The following PLOD2 variants were observed in gnomAD, a reference collection of about 807,000 sequenced individuals.
PLOD2 encodes procollagen-lysine,2-oxoglutarate 5-dioxygenase 2, also known as lysine hydroxylase 2.
In PLOD2, 65 loss-of-function variants were observed where a neutral mutation model predicts 101.0. That is an observed-to-expected ratio of 0.64 (90% CI 0.53 to 0.79). The LOEUF is 0.79. Ranked by LOEUF, PLOD2 falls within the 30% of genes least tolerant of loss-of-function variation. PLOD2 has a pLI of 0.00. For synonymous variants in PLOD2, 314 were observed against 302.9 expected (o/e 1.04, Z -0.38); for missense variants, 909 against 914.6 (o/e 0.99, Z 0.08).
chr3:146,071,988 G>T (rs1417472938), intron 17 of PLOD2, among the ~76,000 whole-genome samples: 1 of 151,664 alleles, frequency 6.6e-6, no homozygotes, highest in Admixed American at 6.6e-5. Context: ...ACCGTGCAGA[G>T]GCAGTAATAT....
In PLOD2 at chr3:146,070,018, T is replaced by C. The variant is rs550122776; in HGVS notation, c.*699A>G. 1.3e-4 allele frequency: 20 copies of C among 152,060 alleles called. No homozygotes were observed. Among genetic ancestry groups the C allele is most frequent in the African/African-American group, 4.6e-4 (19 of 41,552 alleles). 9.4% of individuals were successfully genotyped at this position (152,060 alleles called of 1,614,324 possible). On this transcript the variant is annotated 3_prime_UTR_variant, in exon 20 of 20. Transcript: ENST00000282903. ...GGTTTTCCTAAATCTAATACCTGCT[T>C]AATATAATCCACTTTGGAAGATTCA...
intron 3 of PLOD2, among the ~76,000 whole-genome samples, chr3:146,115,709 G>A (rs966457425): frequency 6.6e-6 from 1 of 152,184 alleles, no homozygotes; most frequent in African/African-American, 2.4e-5. Flanking sequence ...TTCTGTGCCA[G>A]TTCCCAGACT....
intron 1 of PLOD2, among the ~76,000 whole-genome samples, chr3:146,156,624 T>C (rs533396700): frequency 1.8e-4 from 28 of 152,394 alleles, no homozygotes; most frequent in African/African-American, 5.8e-4. Context: ...TTTACCACTC[T>C]GGCCTAGGGC....
intron 2 of PLOD2, chr3:146,123,276 C>T: frequency 1.7e-6 from 2 of 1,157,500 alleles, no homozygotes; most frequent in Non-Finnish European, 2.2e-6. Flanking sequence ...TAGGTATCTC[C>T]TTGTTCTCCT....
rs562835874 is a variant in PLOD2, at chr3:146,133,039, G to A, written c.110-8810C>T. 3.3e-5 allele frequency among the ~76,000 whole-genome samples: 5 copies of A among 152,208 alleles called. 1 individual carries two copies. The highest frequency in any genetic ancestry group is 1.2e-4 in the African/African-American group (5 of 41,542). The stretch of plus-strand genomic sequence containing the variant: ...AAATACAAAAAAATTAGCCGGGTGT[G>A]GTGGCTGGCACCTGTAGTCCCAGCT... On this transcript the variant is annotated intron_variant, in intron 1 of 19. Coordinates refer to ENST00000282903, the MANE Select transcript of PLOD2 (RefSeq NM_182943.3).
Position 146,159,684 on chromosome 3 carries a change from G to T in PLOD2, c.109+1197C>A, listed in dbSNP as rs574930569. Among the ~76,000 whole-genome samples the T allele has an allele frequency of 2.0e-5, 3 of 152,278 alleles. No individual in the cohort carries two copies. The East Asian group carries it at 5.8e-4, about 29-fold the overall frequency. On this transcript the variant is annotated intron_variant, in intron 1 of 19. Transcript: ENST00000282903. ...TGCAAAAGTTTAGTTCAAATTTAGA[G>T]GAATCACACGGGTTCAGAAATCCAT... is the stretch of plus-strand genomic sequence containing the variant.
intron 1 of PLOD2, among the ~76,000 whole-genome samples, chr3:146,145,251 C>T (rs2031724064): frequency 6.6e-6 from 1 of 152,264 alleles, no homozygotes; most frequent in Admixed American, 6.5e-5. Flanking sequence ...TAAACACACA[C>T]ATACAAAACC....
intron 1 of PLOD2, among the ~76,000 whole-genome samples, chr3:146,153,994 G>A (rs1195322292): frequency 1.3e-5 from 2 of 152,108 alleles, no homozygotes; most frequent in Non-Finnish European, 2.9e-5. Flanking sequence ...TAAATGAGCA[G>A]ATGATTAGTT....
At position 146,154,743 on chromosome 3, in the gene PLOD2, A is replaced by T. The variant is rs561542623; in HGVS notation, c.109+6138T>A. Among the ~76,000 whole-genome samples the T allele has an allele frequency of 3.3e-5, 5 of 152,358 alleles. No individual in the cohort carries two copies. The South Asian group carries it at 1.0e-3, about 32-fold the overall frequency. ...ATATCCATATTTTAATAGAAATTTT[A>T]AAATGATTTTTATTTTCCTAAATCT... On this transcript the variant is annotated intron_variant, in intron 1 of 19. Transcript: ENST00000282903.
rs1936547642 is a variant in PLOD2, at chr3:146,081,769, C to T, written c.1327G>A (p.Asp443Asn). ...TTCCCTTGAACAATATCCACATAAT[C>T]TTCAGATCGTGCATAGTATCCATCA... The part of the protein sequence containing the change: ...SPDGYYARSE[D>N]YVDIVQGNRV... Residue 443 changes from aspartate (D) to asparagine (N), a missense_variant, in exon 12 of 20, where the codon GAT (aspartate) becomes AAT (asparagine). Transcript: ENST00000282903. The T allele has an allele frequency of 3.7e-6, 6 of 1,609,998 alleles. No homozygotes were observed. In the South Asian group the frequency reaches 5.5e-5, roughly 15 times the overall value.
intron 1 of PLOD2, among the ~76,000 whole-genome samples, chr3:146,125,967 A>G (rs1359135125): frequency 6.6e-6 from 1 of 152,218 alleles, no homozygotes; most frequent in Non-Finnish European, 1.5e-5. Flanking sequence ...TATATAAATC[A>G]TAAGAATTAA....
Position 146,104,357 on chromosome 3 carries a change from T to G in PLOD2, c.616-15A>C. The G allele has an allele frequency of 1.5e-6, 2 of 1,310,476 alleles. No individual in the cohort carries two copies. Among genetic ancestry groups the G allele is most frequent in the Non-Finnish European group, 2.2e-6 (2 of 903,342 alleles). 81.2% of individuals were successfully genotyped at this position (1,310,476 alleles called of 1,614,324 possible). A position where few individuals can be genotyped will look rare whatever the true frequency, so the allele number is the denominator to read the frequency against. On this transcript the variant is annotated splice_polypyrimidine_tract_variant and intron_variant, in intron 5 of 19. Transcript: ENST00000282903. The stretch of plus-strand genomic sequence containing the variant: ...TTAATAGCTTCCTAAAACATAAGAA[T>G]AGAAATGATATTGAAAATGACAACA...
At chr3:146,091,438 T>G (rs553927962) in intron 8 of PLOD2, among the ~76,000 whole-genome samples, 1 of 152,056 alleles carries the variant, frequency 6.6e-6, no homozygotes, top group East Asian at 1.9e-4. Flanking sequence ...CATATCAACT[T>G]TGAAAATCCA....
At chr3:146,079,934 C>T (rs937875656) in intron 12 of PLOD2, among the ~76,000 whole-genome samples, 1 of 152,052 alleles carries the variant, frequency 6.6e-6, no homozygotes, top group Non-Finnish European at 1.5e-5. Flanking sequence ...AGCACATGAA[C>T]GTTGCATCCT....
intron 1 of PLOD2, among the ~76,000 whole-genome samples, chr3:146,130,783 G>A (rs2030863046): frequency 6.6e-6 from 1 of 152,156 alleles, no homozygotes; most frequent in Non-Finnish European, 1.5e-5. Flanking sequence ...GGTGACAACA[G>A]GTTAAGGGCT....
intron 17 of PLOD2, 152 bp downstream of exon 17, chr3:146,072,409 A>T: frequency 1.5e-6 from 1 of 651,236 alleles, no homozygotes. Flanking sequence ...TTGGTGGGAG[A>T]AGTAGACTGA....
chr3:146,115,125 T>A (rs1232693321), intron 3 of PLOD2, among the ~76,000 whole-genome samples: 1 of 152,172 alleles, frequency 6.6e-6, no homozygotes, highest in Admixed American at 6.6e-5. Flanking sequence ...TTTTGTACTC[T>A]TTCCCTTTAT....
At chr3:146,156,076 C>G (rs1015824696) in intron 1 of PLOD2, among the ~76,000 whole-genome samples, 4 of 152,170 alleles carry the variant, frequency 2.6e-5, no homozygotes, top group Admixed American at 2.6e-4. Flanking sequence ...ACTACTTACA[C>G]CAAAGAACAT....
At chr3:146,152,342 C>T (rs558876446) in intron 1 of PLOD2, among the ~76,000 whole-genome samples, 1 of 152,204 alleles carries the variant, frequency 6.6e-6, no homozygotes, top group Admixed American at 6.5e-5. Flanking sequence ...ATCGCTTGAA[C>T]CCGGGAGGCA....
Sources: gnomAD v4.1 joint callset for allele counts (sites outside exome capture counted in the v4.1 genomes callset) on GRCh38, gnomAD v4.1.1 for gene constraint, MANE v1.5 for transcripts, NCBI Gene and HGNC (gene_info 2026-07-23, HGNC 2026-07-21) for gene names.